Variants in SPAG1 observed in about 807,000 individuals in gnomAD.
SPAG1 encodes sperm associated antigen 1.
Under a neutral mutation model 100.5 loss-of-function variants are expected in SPAG1, and 69 were observed. The ratio of observed to expected loss-of-function variants is 0.69; its 90% confidence interval spans 0.57 to 0.84. The LOEUF is 0.84. Ranked by LOEUF, SPAG1 falls within the 40% of genes least tolerant of loss-of-function variation. The probability of loss-of-function intolerance (pLI) is 0.00; values close to 1 mark genes in which losing one functional copy is unlikely to be tolerated. For missense variants in SPAG1, 955 were observed against 1,133.1 expected, an observed-to-expected ratio of 0.84 and a Z score of 2.26; for synonymous variants, 336 against 411.6, an observed-to-expected ratio of 0.82 and a Z score of 2.22.
chr8:100,182,057 G>A (rs1306623789), intron 4 of SPAG1, among the ~76,000 whole-genome samples: 1 of 152,164 alleles, frequency 6.6e-6, no homozygotes, highest in African/African-American at 2.4e-5. Context: ...ATGAAGATAT[G>A]TAATAGTTTA....
At chr8:100,184,402 T>C (rs188824845) in intron 6 of SPAG1, among the ~76,000 whole-genome samples, 340 of 152,320 alleles carry the variant, frequency 2.2e-3, no homozygotes, top group Non-Finnish European at 3.6e-3. Flanking sequence ...CTAGCACCTA[T>C]AAAGTGAAAC....
At chr8:100,180,546 C>G (rs931489158) in intron 4 of SPAG1, among the ~76,000 whole-genome samples, 1 of 152,136 alleles carries the variant, frequency 6.6e-6, no homozygotes, top group African/African-American at 2.4e-5. Flanking sequence ...GATGGCATCT[C>G]CTCTAAAAAT....
intron 8 of SPAG1, among the ~76,000 whole-genome samples, chr8:100,190,068 T>A (rs890455050): frequency 6.6e-6 from 1 of 152,150 alleles, no homozygotes; most frequent in African/African-American, 2.4e-5. Context: ...CCCAGCACTT[T>A]GGGAGGTTGG....
chr8:100,171,545 T>C (rs1340148352), intron 3 of SPAG1, among the ~76,000 whole-genome samples: 1 of 152,244 alleles, frequency 6.6e-6, no homozygotes, highest in Non-Finnish European at 1.5e-5. Context: ...AGGTTATCTT[T>C]AGAGCTCTCT....
chr8:100,165,880 C>T lies in SPAG1; in HGVS notation c.207C>T (p.Ala69=). Residue 69 remains alanine (A), a synonymous_variant, in exon 3 of 19, where the codon GCC becomes GCT. Coordinates refer to ENST00000388798, the MANE Select transcript of SPAG1 (RefSeq NM_003114.5). ...EFCEKHLQAL[A]PESRALRKDK... is the part of the protein sequence containing the mutation. ...GTGAAAAGCATCTTCAAGCCTTGGC[C>T]CCTGAAAGCAGAGCTTTGAGGAAAG... 1 of 1,613,812 alleles carries T rather than the reference C, an allele frequency of 6.2e-7. No homozygotes were observed. Among genetic ancestry groups the T allele is most frequent in the Non-Finnish European group, 8.5e-7 (1 of 1,179,704 alleles).
chr8:100,192,292 A>C (rs1816849233), intron 9 of SPAG1, among the ~76,000 whole-genome samples: 2 of 152,268 alleles, frequency 1.3e-5, no homozygotes, highest in South Asian at 4.1e-4. Flanking sequence ...CTGCACTCCA[A>C]CTGGGGCAAC....
rs79609334 is a variant in SPAG1 at position 100,236,950 on chromosome 8, A to C, written c.2116-2290A>C. On this transcript the variant is annotated intron_variant, in intron 16 of 18. Coordinates refer to ENST00000388798, the MANE Select transcript of SPAG1 (RefSeq NM_003114.5). ...ACTATTGCTTTTATGGTTTCAGCAA[A>C]ACTATTAATGGTAAATATCACAAAC... 3.0e-4 allele frequency among the ~76,000 whole-genome samples: 46 copies of C among 152,338 alleles called. 1 individual carries two copies. In the East Asian group the frequency reaches 8.5e-3, roughly 28 times the overall value.
chr8:100,186,832 T>C (rs958892143), intron 7 of SPAG1, among the ~76,000 whole-genome samples: 4 of 152,144 alleles, frequency 2.6e-5, no homozygotes, highest in Non-Finnish European at 5.9e-5. Flanking sequence ...AGTCTGTCCA[T>C]ACATGTATGT....
chr8:100,219,272 T>C (rs1446414575), intron 12 of SPAG1, among the ~76,000 whole-genome samples: 1 of 152,246 alleles, frequency 6.6e-6, no homozygotes, highest in Non-Finnish European at 1.5e-5. Flanking sequence ...CATGCTTTCC[T>C]GGAAAGTTAA....
At chr8:100,200,163 T>G (rs1288326191) in intron 10 of SPAG1, among the ~76,000 whole-genome samples, 1 of 152,232 alleles carries the variant, frequency 6.6e-6, no homozygotes, top group East Asian at 1.9e-4. Context: ...GTTCTCATTG[T>G]TCAATTCCCA....
At chr8:100,200,359 G>A (rs1464036556) in intron 10 of SPAG1, among the ~76,000 whole-genome samples, 4 of 152,180 alleles carry the variant, frequency 2.6e-5, no homozygotes, top group Non-Finnish European at 5.9e-5. Flanking sequence ...ATGGACATTT[G>A]GGTTGGTTCC....
intron 10 of SPAG1, among the ~76,000 whole-genome samples, chr8:100,195,846 G>T (rs1817010046): frequency 6.6e-6 from 1 of 152,062 alleles, no homozygotes; most frequent in South Asian, 2.1e-4. Context: ...CCATAGTCAG[G>T]ATACAGAACA....
chr8:100,186,327 TC>T (rs2132266247), intron 7 of SPAG1, among the ~76,000 whole-genome samples: 1 of 152,236 alleles, frequency 6.6e-6, no homozygotes, highest in East Asian at 1.9e-4. Context: ...CACCTCGGTC[TC>T]CCAAAGTGCT....
At position 100,240,583 on chromosome 8, in the gene SPAG1, G is replaced by A. The variant is rs1233940970; in HGVS notation, c.2461G>A (p.Asp821Asn). The A allele has an allele frequency of 6.2e-7, 1 of 1,614,026 alleles. No individual in the cohort carries two copies. Among genetic ancestry groups the A allele is most frequent in the Admixed American group, 1.7e-5 (1 of 59,986 alleles). ...QIINALSTRK[D>N]KEACAHLLAI... ...TATAAATGCTCTCAGTACCAGGAAG[G>A]ATAAAGAAGCCTGTGCACATCTTTT... The change falls in exon 18 of 19, where the codon GAT (aspartate) becomes AAT (asparagine). Residue 821 changes from aspartate (D) to asparagine (N), a missense_variant. Coordinates refer to ENST00000388798, the MANE Select transcript of SPAG1 (RefSeq NM_003114.5).
At position 100,213,870 on chromosome 8, in the gene SPAG1, G is replaced by A; in HGVS notation, c.1487G>A (p.Cys496Tyr). 1 of 1,606,066 alleles carries A rather than the reference G, an allele frequency of 6.2e-7. No homozygotes were observed. The highest frequency in any genetic ancestry group is 1.7e-5 in the Admixed American group (1 of 59,772). Residue 496 changes from cysteine (C) to tyrosine (Y), a missense_variant, in exon 12 of 19, where the codon TGT (cysteine) becomes TAT (tyrosine). By Grantham distance (194) the Cys-to-Tyr change is radical. Transcript: ENST00000388798. ...ATCTTATATTCAAATAGAGCAGCAT[G>A]TTACCTAAAAGAAGGAAACTGCAGT... is the stretch of plus-strand genomic sequence containing the variant. ...LSILYSNRAACYLKEGNCSGC... is the reference protein window; with the variant it reads ...LSILYSNRAAYYLKEGNCSGC...
chr8:100,183,351 T>C, intron 4 of SPAG1, 24 bp from the exon 5 acceptor site: 1 of 1,041,280 alleles, frequency 9.6e-7, no homozygotes. Flanking sequence ...ATATGTCTCA[T>C]AAAATATGAT....
At position 100,195,185 on chromosome 8, in the gene SPAG1, A is replaced by T. The variant is rs566862687; in HGVS notation, c.1096+917A>T. Among the ~76,000 whole-genome samples, 186 of 151,436 alleles carry T rather than the reference A, an allele frequency of 1.2e-3. 2 individuals are homozygous for T. The highest frequency in any genetic ancestry group is 2.2e-3 in the Non-Finnish European group (149 of 67,856). ...ATCTCAAAAAAAAAAAAAGAAAAAG[A>T]AAAAAAGGTTTTTCCCTCCTTCTTG... On this transcript the variant is annotated intron_variant, in intron 10 of 18. Transcript: ENST00000388798.
Position 100,194,234 on chromosome 8 carries a change from C to A in SPAG1, c.1062C>A (p.Ser354Arg), listed in dbSNP as rs751447067. The A allele has an allele frequency of 6.2e-7, 1 of 1,607,814 alleles. No individual in the cohort carries two copies. Among genetic ancestry groups the A allele is most frequent in the South Asian group, 1.1e-5 (1 of 90,706 alleles). Residue 354 changes from serine (S) to arginine (R), a missense_variant, in exon 10 of 19, where the codon AGC becomes AGA. Physicochemically the swap from Ser to Arg is moderately radical, Grantham distance 110. Coordinates refer to ENST00000388798, the MANE Select transcript of SPAG1 (RefSeq NM_003114.5). ...ACTCCGAAGATGAAGAAGGAAAAAG[C>A]GGAAGAAAACATGAAGATGGCGGTG... ...IENSEDEEGK[S>R]GRKHEDGGGD... is the part of the protein sequence containing the mutation.
rs1225643154 is a variant in SPAG1 at position 100,162,287 on chromosome 8, A to G, written c.7A>G (p.Thr3Ala). 1 of 1,597,818 alleles carries G rather than the reference A, an allele frequency of 6.3e-7. No individual in the cohort carries two copies. Among genetic ancestry groups the G allele is most frequent in the South Asian group, 1.1e-5 (1 of 87,278 alleles). ...TAAATATTGTATTTCAGCTATGACC[A>G]CCAAAGATTATCCATCATTGTGGGG... MT[T>A]KDYPSLWGFG... The change falls in exon 2 of 19, where the codon ACC (threonine) becomes GCC (alanine). Residue 3 changes from threonine (T) to alanine (A), a missense_variant. Transcript: ENST00000388798.
Sources: allele counts gnomAD v4.1 joint callset (sites outside exome capture counted in the v4.1 genomes callset), GRCh38; gene constraint gnomAD v4.1.1; transcripts MANE v1.5; gene names NCBI Gene and HGNC (gene_info 2026-07-23, HGNC 2026-07-21).